The following AGPAT4 variants were observed in gnomAD, a reference collection of about 807,000 sequenced individuals.
AGPAT4 encodes the protein 1-acyl-sn-glycerol-3-phosphate acyltransferase delta.
In AGPAT4, 15 loss-of-function variants were observed where a neutral mutation model predicts 48.0. The observed-to-expected ratio is 0.31, with a 90% CI of 0.21 to 0.48. The LOEUF (loss-of-function observed/expected upper bound fraction) is 0.48, where lower values mean the gene tolerates loss of function less well. Ranked by LOEUF, AGPAT4 falls within the 20% of genes least tolerant of loss-of-function variation. AGPAT4 has a pLI of 0.99. For synonymous variants in AGPAT4, 178 were observed against 198.7 expected (o/e 0.90, Z 0.88); for missense variants, 314 against 482.5 (o/e 0.65, Z 3.27).
chr6:161,146,652 T>C lies in AGPAT4; in HGVS notation c.768-53A>G. On this transcript the variant is annotated intron_variant, in intron 6 of 8. Coordinates refer to ENST00000320285, the MANE Select transcript of AGPAT4 (RefSeq NM_020133.3). This position sits in a 1 kb window ranked among gnomAD's most constrained non-coding sequence, Gnocchi z 7.1. ...GAGGAGGTGATGCCCCCCTACAACA[T>C]ACAGTTTCCAGTAACGGTGCTGCCG... 2 of 1,559,812 alleles carry C rather than the reference T, an allele frequency of 1.3e-6. No homozygotes were observed. Among genetic ancestry groups the C allele is most frequent in the Non-Finnish European group, 1.8e-6 (2 of 1,132,068 alleles).
chr6:161,186,700 C>T (rs1234094644), intron 2 of AGPAT4, among the ~76,000 whole-genome samples: 1 of 152,100 alleles, frequency 6.6e-6, no homozygotes, highest in Admixed American at 6.6e-5. Flanking sequence ...AGCCCCAACT[C>T]CAGGCCACCC....
Position 161,221,398 on chromosome 6 carries a change from A to G in AGPAT4, c.178+10638T>C, listed in dbSNP as rs1781831059. ...TTTCTTGGCCTCGTCCATGGATAAA[A>G]GCAAGGTATTTTATCGTATAATCTC... On this transcript the variant is annotated intron_variant, in intron 2 of 8. Coordinates refer to ENST00000320285, the MANE Select transcript of AGPAT4 (RefSeq NM_020133.3). The surrounding 1 kb of genome is among the most constrained non-coding windows in gnomAD (Gnocchi z 4.5). 6.6e-6 allele frequency among the ~76,000 whole-genome samples: 1 copy of G among 152,224 alleles called. No individual in the cohort carries two copies. Among genetic ancestry groups the G allele is most frequent in the Admixed American group, 6.5e-5 (1 of 15,280 alleles).
In AGPAT4 at chr6:161,138,747, G is replaced by C. The variant is rs947436560; in HGVS notation, c.1042+675C>G. On this transcript the variant is annotated intron_variant, in intron 8 of 8. Coordinates refer to ENST00000320285, the MANE Select transcript of AGPAT4 (RefSeq NM_020133.3). This position sits in a 1 kb window ranked among gnomAD's most constrained non-coding sequence, Gnocchi z 4.8. ...AGCCTCAGAGGACGCCAGGCTTGGG[G>C]AGACAGGGCCTTTCACAGGGAAACC... 1.3e-5 allele frequency among the ~76,000 whole-genome samples: 2 copies of C among 152,148 alleles called. No individual in the cohort carries two copies. The highest frequency in any genetic ancestry group is 1.3e-4 in the Admixed American group (2 of 15,276).
rs1247816086 is a variant in AGPAT4 at position 161,177,256 on chromosome 6, C to G, written c.179-10839G>C. ...GAGTGTTTTCCAACGTGGTTCCATT[C>G]TCCCCGTCACTTTCAGGTACATCAA... On this transcript the variant is annotated intron_variant, in intron 2 of 8. Coordinates refer to ENST00000320285, the MANE Select transcript of AGPAT4 (RefSeq NM_020133.3). The surrounding 1 kb of genome is among the most constrained non-coding windows in gnomAD (Gnocchi z 5.0). Among the ~76,000 whole-genome samples the G allele has an allele frequency of 6.6e-6, 1 of 152,196 alleles. No homozygotes were observed. The highest frequency in any genetic ancestry group is 1.5e-5 in the Non-Finnish European group (1 of 68,032).
At chr6:161,265,389 T>C (rs1783223112) in intron 1 of AGPAT4, among the ~76,000 whole-genome samples, 1 of 142,872 alleles carries the variant, frequency 7.0e-6, no homozygotes, top group Non-Finnish European at 1.5e-5. Context: ...TACCCACCGC[T>C]GGACTGGGTG....
At chr6:161,227,212 G>A (rs527952379) in intron 2 of AGPAT4, among the ~76,000 whole-genome samples, 12 of 152,234 alleles carry the variant, frequency 7.9e-5, no homozygotes, top group South Asian at 2.1e-4. Flanking sequence ...CAGAAACACC[G>A]GCCTCTAGTA....
At position 161,133,527 on chromosome 6, in the gene AGPAT4, G is replaced by A. The variant is rs1021590103; in HGVS notation, c.*3013C>T. 6.6e-6 allele frequency: 1 copy of A among 152,160 alleles called. No homozygotes were observed. Among genetic ancestry groups the A allele is most frequent in the Admixed American group, 6.5e-5 (1 of 15,278 alleles). The allele number at this position is 152,160 out of a possible 1,614,324, so 9.4% of individuals were successfully genotyped here. A position where few individuals can be genotyped will look rare whatever the true frequency, so the allele number is the denominator to read the frequency against. ...TCCCGATTAATCGTGTTCACTATAT[G>A]GTGGCAGAATCAGTCCAGTCCCCCA... On this transcript the variant is annotated 3_prime_UTR_variant, in exon 9 of 9. Coordinates refer to ENST00000320285, the MANE Select transcript of AGPAT4 (RefSeq NM_020133.3).
In AGPAT4 at chr6:161,243,586, T is replaced by C. The variant is rs907422867; in HGVS notation, c.-89-11284A>G. Among the ~76,000 whole-genome samples, 1 of 152,010 alleles carries C rather than the reference T, an allele frequency of 6.6e-6. No homozygotes were observed. Among genetic ancestry groups the C allele is most frequent in the African/African-American group, 2.4e-5 (1 of 41,366 alleles). On this transcript the variant is annotated intron_variant, in intron 1 of 8. Transcript: ENST00000320285. This position sits in a 1 kb window ranked among gnomAD's most constrained non-coding sequence, Gnocchi z 4.8. ...CCGGGTCTGTATCTGCTAATGGAGG[T>C]GAAATTCCCTGCCTCCCACCGTGCT...
chr6:161,269,977 A>G (rs772041504), intron 1 of AGPAT4, among the ~76,000 whole-genome samples: 6 of 152,220 alleles, frequency 3.9e-5, no homozygotes, highest in Non-Finnish European at 8.8e-5. Context: ...ATCTTTGTGG[A>G]GCAAGAGTGT....
In AGPAT4 at chr6:161,138,146, G is replaced by A. The variant is rs926041746; in HGVS notation, c.1042+1276C>T. 6.6e-6 allele frequency among the ~76,000 whole-genome samples: 1 copy of A among 152,234 alleles called. No homozygotes were observed. Among genetic ancestry groups the A allele is most frequent in the Non-Finnish European group, 1.5e-5 (1 of 68,042 alleles). ...CCCTTGGCCAGCCTCAGCATGGCGG[G>A]GCATGGGGGTGCCCCTGGACCTGCC... On this transcript the variant is annotated intron_variant, in intron 8 of 8. Transcript: ENST00000320285. This position sits in a 1 kb window ranked among gnomAD's most constrained non-coding sequence, Gnocchi z 4.8.
At chr6:161,190,049 G>T (rs1480456557) in intron 2 of AGPAT4, among the ~76,000 whole-genome samples, 1 of 152,192 alleles carries the variant, frequency 6.6e-6, no homozygotes, top group Non-Finnish European at 1.5e-5. Flanking sequence ...ACGAAACAGG[G>T]TGACCTTAGG....
At position 161,245,456 on chromosome 6, in the gene AGPAT4, G is replaced by C. The variant is rs944395220; in HGVS notation, c.-89-13154C>G. On this transcript the variant is annotated intron_variant, in intron 1 of 8. Coordinates refer to ENST00000320285, the MANE Select transcript of AGPAT4 (RefSeq NM_020133.3). The surrounding 1 kb of genome is among the most constrained non-coding windows in gnomAD (Gnocchi z 5.2). ...TTAACCACAGTGCTTCTGATTCATGGAAACTAACGTGGCATTAAGCACCCT... is the reference window on the plus strand; with the variant it reads ...TTAACCACAGTGCTTCTGATTCATGCAAACTAACGTGGCATTAAGCACCCT... Among the ~76,000 whole-genome samples the C allele has an allele frequency of 1.3e-5, 2 of 152,166 alleles. No homozygotes were observed. Among genetic ancestry groups the C allele is most frequent in the African/African-American group, 4.8e-5 (2 of 41,430 alleles).
At position 161,149,015 on chromosome 6, in the gene AGPAT4, G is replaced by A. The variant is rs1779515427; in HGVS notation, c.767+172C>T. 6.6e-6 allele frequency among the ~76,000 whole-genome samples: 1 copy of A among 152,216 alleles called. No individual in the cohort carries two copies. The highest frequency in any genetic ancestry group is 1.5e-5 in the Non-Finnish European group (1 of 68,042). On this transcript the variant is annotated intron_variant, in intron 6 of 8. Transcript: ENST00000320285. The surrounding 1 kb of genome is among the most constrained non-coding windows in gnomAD (Gnocchi z 6.5). ...GATCCGGAAGGAGCTGGGACGGAAG[G>A]AGACTTCAGCAGATCATTCCAATAG...
rs1781752227 is a variant in AGPAT4 at position 161,219,729 on chromosome 6, A to G, written c.178+12307T>C. On this transcript the variant is annotated intron_variant, in intron 2 of 8. Transcript: ENST00000320285. The surrounding 1 kb of genome is among the most constrained non-coding windows in gnomAD (Gnocchi z 4.9). ...CTAAACTTGCTGATTCTTTAGGGCC[A>G]CCTGTTTGAAATTTAGAGTGACTAA... Among the ~76,000 whole-genome samples, 1 of 152,186 alleles carries G rather than the reference A, an allele frequency of 6.6e-6. No homozygotes were observed. The highest frequency in any genetic ancestry group is 2.4e-5 in the African/African-American group (1 of 41,436).
chr6:161,222,118 C>T lies in AGPAT4; in HGVS notation c.178+9918G>A, dbSNP rs1010198591. ...GCACAGCCTGAAACACCTTCCTTGT[C>T]ACCCCTGGTCTCAGGGCCTCTGCCA... On this transcript the variant is annotated intron_variant, in intron 2 of 8. Coordinates refer to ENST00000320285, the MANE Select transcript of AGPAT4 (RefSeq NM_020133.3). This position sits in a 1 kb window ranked among gnomAD's most constrained non-coding sequence, Gnocchi z 5.9. Among the ~76,000 whole-genome samples the T allele has an allele frequency of 7.2e-5, 11 of 152,196 alleles. No homozygotes were observed. The highest frequency in any genetic ancestry group is 1.2e-4 in the Non-Finnish European group (8 of 68,030).
intron 1 of AGPAT4, among the ~76,000 whole-genome samples, chr6:161,253,670 A>G (rs1782866162): frequency 6.6e-6 from 1 of 152,056 alleles, no homozygotes; most frequent in Non-Finnish European, 1.5e-5. Context: ...CAAGATTGAA[A>G]TTCATGTTTC....
intron 2 of AGPAT4, among the ~76,000 whole-genome samples, chr6:161,187,978 C>T (rs1429613689): frequency 1.3e-5 from 2 of 152,192 alleles, no homozygotes; most frequent in Non-Finnish European, 2.9e-5. Flanking sequence ...TCTCACCTTT[C>T]CCTTATTGAA....
In AGPAT4 at chr6:161,166,140, ACT is replaced by A; in HGVS notation, c.348+106_348+107del. 7.0e-7 allele frequency: 1 copy of A among 1,420,728 alleles called. No individual in the cohort carries two copies. Among genetic ancestry groups the A allele is most frequent in the South Asian group, 1.3e-5 (1 of 77,542 alleles). The allele number at this position is 1,420,728 out of a possible 1,614,324, so 88.0% of individuals were successfully genotyped here. A position where few individuals can be genotyped will look rare whatever the true frequency, so the allele number is the denominator to read the frequency against. On this transcript the variant is annotated intron_variant, in intron 3 of 8. Transcript: ENST00000320285. The surrounding 1 kb of genome is among the most constrained non-coding windows in gnomAD (Gnocchi z 6.7). ...ATTAGGACCATTTCATCAAGTAGAAACTCTGTTGATTCTTCTGCAAGTTCTGA... is the reference window on the plus strand; with the variant it reads ...ATTAGGACCATTTCATCAAGTAGAAACTGTTGATTCTTCTGCAAGTTCTGA...
chr6:161,228,370 A>T (rs1725688591), intron 2 of AGPAT4, among the ~76,000 whole-genome samples: 1 of 152,124 alleles, frequency 6.6e-6, no homozygotes, highest in Non-Finnish European at 1.5e-5. Context: ...TGTGCATCCA[A>T]CAGCCGTTTA....
Sources: gnomAD v4.1 joint callset for allele counts (sites outside exome capture counted in the v4.1 genomes callset) on GRCh38, gnomAD v4.1.1 for gene constraint, Gnocchi (gnomAD v3.1) non-coding constraint, MANE v1.5 for transcripts, NCBI Gene and HGNC (gene_info 2026-07-23, HGNC 2026-07-21) for gene names.